The following PDE1C variants were observed in gnomAD, a reference collection of about 807,000 sequenced individuals.
PDE1C encodes dual specificity calcium/calmodulin-dependent 3',5'-cyclic nucleotide phosphodiesterase 1C.
Under a neutral mutation model 93.1 loss-of-function variants are expected in PDE1C, and 62 were observed. The ratio of observed to expected loss-of-function variants is 0.67; its 90% confidence interval spans 0.54 to 0.82. PDE1C has a LOEUF of 0.82. Ranked by LOEUF, PDE1C falls within the 40% of genes least tolerant of loss-of-function variation. The pLI is 0.00. For synonymous variants in PDE1C, 325 were observed against 310.1 expected (o/e 1.05, Z -0.50); for missense variants, 742 against 884.6 (o/e 0.84, Z 2.04).
At chr7:32,222,168 C>T (rs945448748) in intron 1 of PDE1C, among the ~76,000 whole-genome samples, 2 of 152,114 alleles carry the variant, frequency 1.3e-5, no homozygotes, top group Non-Finnish European at 2.9e-5. Context: ...ACAAACACAC[C>T]TCCCCAACAT....
At chr7:31,924,088 G>T (rs1374215241) in intron 2 of PDE1C, among the ~76,000 whole-genome samples, 1 of 152,102 alleles carries the variant, frequency 6.6e-6, no homozygotes, top group African/African-American at 2.4e-5. Context: ...TGTTCATTTA[G>T]AGTAACTTAA....
intron 17 of PDE1C, among the ~76,000 whole-genome samples, chr7:31,759,099 A>T (rs1414112710): frequency 2.0e-5 from 3 of 152,226 alleles, no homozygotes; most frequent in African/African-American, 7.2e-5. Flanking sequence ...GGAAATACTT[A>T]TATGGCTGCT....
intron 2 of PDE1C, among the ~76,000 whole-genome samples, chr7:32,176,770 G>C (rs1241531121): frequency 6.6e-6 from 1 of 152,088 alleles, no homozygotes; most frequent in African/African-American, 2.4e-5. Flanking sequence ...TAATCATAAA[G>C]GAGCAGTTCT....
At chr7:31,923,513 T>A (rs1198178462) in intron 2 of PDE1C, among the ~76,000 whole-genome samples, 1 of 152,178 alleles carries the variant, frequency 6.6e-6, no homozygotes, top group Admixed American at 6.5e-5. Context: ...GGTTAATGAT[T>A]CTCTTATGAG....
At chr7:32,247,974 G>A (rs535766438) in intron 1 of PDE1C, among the ~76,000 whole-genome samples, 40 of 152,272 alleles carry the variant, frequency 2.6e-4, no homozygotes, top group African/African-American at 9.4e-4. Context: ...ATGATGGAAA[G>A]GAAGGAATGG....
intron 1 of PDE1C, among the ~76,000 whole-genome samples, chr7:32,410,947 T>G (rs1785158314): frequency 6.6e-6 from 1 of 152,226 alleles, no homozygotes; most frequent in Non-Finnish European, 1.5e-5. Context: ...TTATTTGAAC[T>G]ATTTGAGCAA....
intron 3 of PDE1C, among the ~76,000 whole-genome samples, chr7:32,100,599 G>A (rs1053858838): frequency 6.6e-6 from 1 of 152,156 alleles, no homozygotes; most frequent in Non-Finnish European, 1.5e-5. Flanking sequence ...CTTTAACTTA[G>A]ACTGACTCAT....
Position 31,879,548 on chromosome 7 carries a change from A to G in PDE1C, c.243-370T>C, listed in dbSNP as rs571664035. Among the ~76,000 whole-genome samples, 4 of 152,196 alleles carry G rather than the reference A, an allele frequency of 2.6e-5. No homozygotes were observed. The South Asian group carries it at 8.3e-4, about 31-fold the overall frequency. ...GGACCATGTGACGTTATTTTGTTTA[A>G]AAATATAAATGGATACTTAAGAGAC... is the stretch of plus-strand genomic sequence containing the variant. On this transcript the variant is annotated intron_variant, in intron 3 of 17. Coordinates refer to ENST00000396191, the MANE Select transcript of PDE1C (RefSeq NM_001191057.4).
At chr7:31,668,798 C>T in the PDE1C span, among the ~76,000 whole-genome samples, 1 of 75,432 alleles carries the variant, frequency 1.3e-5, no homozygotes, top group Non-Finnish European at 3.0e-5. Context: ...AAAACCAGTA[C>T]ATTGTTCCCT....
At chr7:32,303,890 C>T (rs1413070379), upstream of PDE1C, among the ~76,000 whole-genome samples, 1 of 152,090 alleles carries the variant, frequency 6.6e-6, no homozygotes, top group Non-Finnish European at 1.5e-5. Flanking sequence ...CTCCCCATAA[C>T]ATAATGTAGC....
chr7:32,209,673 A>G, intron 1 of PDE1C: 1 of 682,470 alleles, frequency 1.5e-6, no homozygotes, highest in Middle Eastern at 3.9e-4. Flanking sequence ...AATAAAAGCA[A>G]CTTTACTCCC....
the PDE1C span, among the ~76,000 whole-genome samples, chr7:31,674,557 T>C: frequency 2.0e-5 from 3 of 152,028 alleles, no homozygotes; most frequent in African/African-American, 7.3e-5. Context: ...ATGCAATGTG[T>C]TGATATAGAG....
At chr7:32,408,786 C>T (rs1785109286) in intron 1 of PDE1C, among the ~76,000 whole-genome samples, 1 of 151,406 alleles carries the variant, frequency 6.6e-6, no homozygotes, top group African/African-American at 2.4e-5. Context: ...GAGACTCTGT[C>T]TCAAAAAAAT....
intron 2 of PDE1C, among the ~76,000 whole-genome samples, chr7:32,005,012 T>C (rs747848821): frequency 6.6e-6 from 1 of 152,186 alleles, no homozygotes; most frequent in African/African-American, 2.4e-5. Flanking sequence ...GAGGATGAAA[T>C]GGATAAAACA....
At chr7:32,000,946 C>T (rs1193232898) in intron 2 of PDE1C, among the ~76,000 whole-genome samples, 3 of 151,944 alleles carry the variant, frequency 2.0e-5, no homozygotes, top group Non-Finnish European at 2.9e-5. Context: ...ATAAAAAGGT[C>T]GAGATTGATC....
chr7:32,149,800 G>T (rs1203989588), intron 3 of PDE1C, among the ~76,000 whole-genome samples: 5 of 152,116 alleles, frequency 3.3e-5, no homozygotes, highest in Non-Finnish European at 7.3e-5. Context: ...CCATGTGCAT[G>T]TATCACTTTT....
At position 31,775,717 on chromosome 7, in the gene PDE1C, G is replaced by A. The variant is rs1255413645; in HGVS notation, c.1907C>T (p.Ser636Phe). ...GGTGCTTGGGGCTGGTGAGCCGTGA[G>A]AACGCTGTTTTGTGCCTGTGAAGAG... ...SKKTDGTKQR[S>F]HGSPAPSTSS... is the part of the protein sequence containing the mutation. Residue 636 changes from serine to phenylalanine, a missense_variant, in exon 17 of 18, where the codon TCT becomes TTT. By Grantham distance (155) the Ser-to-Phe change is radical (BLOSUM62 -2). This residue lies in a region of PDE1C where 454 missense variants were observed against 459.4 expected (regional missense o/e 0.99). Transcript: ENST00000396191. 1 of 1,612,846 alleles carries A rather than the reference G, an allele frequency of 6.2e-7. No homozygotes were observed. The highest frequency in any genetic ancestry group is 8.5e-7 in the Non-Finnish European group (1 of 1,179,830).
chr7:31,637,792 T>C, the PDE1C span, among the ~76,000 whole-genome samples: 7 of 152,368 alleles, frequency 4.6e-5, no homozygotes, highest in African/African-American at 9.6e-5. Flanking sequence ...TTTAGTGTTT[T>C]AGACATGAAG....
chr7:32,287,451 T>C (rs926826300), intron 1 of PDE1C, among the ~76,000 whole-genome samples: 15 of 152,244 alleles, frequency 9.9e-5, no homozygotes, highest in African/African-American at 3.4e-4. Context: ...CTGCTGGGCA[T>C]GACCACAGCA....
Sources: allele counts gnomAD v4.1 joint callset (sites outside exome capture counted in the v4.1 genomes callset), GRCh38; gene constraint gnomAD v4.1.1; regional missense constraint gnomAD v4.1.1; transcripts MANE v1.5; gene names NCBI Gene and HGNC (gene_info 2026-07-23, HGNC 2026-07-21).